Variants in VTI1A observed in about 807,000 individuals in gnomAD.
VTI1A encodes vesicle transport through interaction with t-SNAREs homolog 1A.
Under a neutral mutation model 34.9 loss-of-function variants are expected in VTI1A, and 22 were observed. The observed-to-expected ratio is 0.63, with a 90% CI of 0.45 to 0.90. VTI1A has a LOEUF of 0.90. VTI1A is among the 40% of genes least tolerant of loss of function. The pLI is 0.00. For synonymous variants in VTI1A, 87 were observed against 97.3 expected, an observed-to-expected ratio of 0.89 and a Z score of 0.62; for missense variants, 268 against 275.6, an observed-to-expected ratio of 0.97 and a Z score of 0.20.
chr10:112,825,668 G>A, the VTI1A span: 1 of 152,250 alleles, frequency 6.6e-6, no homozygotes, highest in Non-Finnish European at 1.5e-5. Context: ...AGTCACCAGG[G>A]TGCCTGTGGG....
At chr10:112,698,147 A>G (rs897181434) in intron 7 of VTI1A, among the ~76,000 whole-genome samples, 7 of 152,210 alleles carry the variant, frequency 4.6e-5, no homozygotes, top group Non-Finnish European at 1.0e-4. Flanking sequence ...TGCTATCAAT[A>G]AGAACTCTAG....
intron 3 of VTI1A, among the ~76,000 whole-genome samples, chr10:112,472,271 G>A (rs1848116351): frequency 6.6e-6 from 1 of 152,176 alleles, no homozygotes; most frequent in African/African-American, 2.4e-5. Flanking sequence ...CAGGCTATGT[G>A]ATGTGATTGT....
chr10:112,537,425 G>T (rs904720651), intron 4 of VTI1A, among the ~76,000 whole-genome samples: 3 of 145,780 alleles, frequency 2.1e-5, no homozygotes, highest in African/African-American at 7.6e-5. Context: ...GATCATTATG[G>T]TTACAAAAAA....
chr10:112,578,967 G>A (rs531536337), intron 5 of VTI1A, among the ~76,000 whole-genome samples: 2 of 152,220 alleles, frequency 1.3e-5, no homozygotes, highest in Non-Finnish European at 2.9e-5. Flanking sequence ...CAGCAGAAAA[G>A]TGTAAGTTTC....
intron 7 of VTI1A, among the ~76,000 whole-genome samples, chr10:112,686,186 A>G (rs1024813971): frequency 2.6e-5 from 4 of 152,222 alleles, no homozygotes; most frequent in African/African-American, 7.2e-5. Context: ...GTTACAAACC[A>G]TGCACTTTCT....
chr10:112,607,068 C>A (rs1027573233), intron 5 of VTI1A, among the ~76,000 whole-genome samples: 2 of 152,034 alleles, frequency 1.3e-5, no homozygotes, highest in South Asian at 2.1e-4. Flanking sequence ...GGGTGGATGA[C>A]CTGAGGTCAG....
intron 3 of VTI1A, among the ~76,000 whole-genome samples, chr10:112,485,823 T>G (rs928892476): frequency 1.3e-5 from 2 of 152,248 alleles, no homozygotes; most frequent in African/African-American, 4.8e-5. Flanking sequence ...CTGTTACCAT[T>G]ACTGTTTCAT....
chr10:112,841,735 G>T, the VTI1A span, among the ~76,000 whole-genome samples: 1 of 152,232 alleles, frequency 6.6e-6, no homozygotes, highest in East Asian at 1.9e-4. Flanking sequence ...ACTCTATGGT[G>T]GGGGCAGTGG....
chr10:112,469,521 A>T (rs1481158702), intron 3 of VTI1A, among the ~76,000 whole-genome samples: 1 of 152,230 alleles, frequency 6.6e-6, no homozygotes, highest in African/African-American at 2.4e-5. Context: ...AGACAGTTAG[A>T]TAATTTACTG....
At chr10:112,657,977 AGGATCAT>A (rs1439873461) in intron 5 of VTI1A, among the ~76,000 whole-genome samples, 1 of 152,204 alleles carries the variant, frequency 6.6e-6, no homozygotes, top group African/African-American at 2.4e-5. Context: ...TGGGAGACTT[AGGATCAT>A]GGTTGCAGCT....
intron 3 of VTI1A, among the ~76,000 whole-genome samples, chr10:112,496,152 A>G: frequency 7.1e-6 from 1 of 141,010 alleles, no homozygotes; most frequent in Admixed American, 7.1e-5. Context: ...CACTTGAGCC[A>G]AGAATTCAAG....
In VTI1A at chr10:112,647,716, A is replaced by G. The variant is rs542624211; in HGVS notation, c.428-20502A>G. ...AGTATAGAAAGGATTCCACATAGAA[A>G]TTTTTTGTAAAATAATTATACTTTG... On this transcript the variant is annotated intron_variant, in intron 5 of 7. Coordinates refer to ENST00000393077, the MANE Select transcript of VTI1A (RefSeq NM_145206.4). Among the ~76,000 whole-genome samples, 35 of 152,202 alleles carry G rather than the reference A, an allele frequency of 2.3e-4. No individual in the cohort carries two copies. In the South Asian group the frequency reaches 7.1e-3, roughly 31 times the overall value.
chr10:112,688,038 C>T (rs1047797635), intron 7 of VTI1A, among the ~76,000 whole-genome samples: 25 of 149,370 alleles, frequency 1.7e-4, no homozygotes, highest in Non-Finnish European at 1.6e-4. Flanking sequence ...ACTGCAACCT[C>T]TGCCTCTCAG....
chr10:112,605,467 TAGC>T (rs781736201), intron 5 of VTI1A, among the ~76,000 whole-genome samples: 1 of 152,174 alleles, frequency 6.6e-6, no homozygotes, highest in Non-Finnish European at 1.5e-5. Context: ...ACTACAACCT[TAGC>T]TGCTTCTGAG....
upstream of VTI1A, chr10:112,447,103 G>C (rs988072946): frequency 6.3e-6 from 3 of 479,654 alleles, no homozygotes; most frequent in South Asian, 2.6e-5. Flanking sequence ...ACGCTTTTCT[G>C]GGGGGAGGCA....
At chr10:112,527,820 G>A (rs1354593728) in intron 4 of VTI1A, among the ~76,000 whole-genome samples, 1 of 151,982 alleles carries the variant, frequency 6.6e-6, no homozygotes, top group Non-Finnish European at 1.5e-5. Flanking sequence ...TTTACAACTT[G>A]GCTGTCGGTT....
At chr10:112,581,324 C>G (rs1298096988) in intron 5 of VTI1A, among the ~76,000 whole-genome samples, 1 of 152,176 alleles carries the variant, frequency 6.6e-6, no homozygotes, top group African/African-American at 2.4e-5. Flanking sequence ...GTTACTTGCC[C>G]CAGGTTAGTG....
intron 7 of VTI1A, among the ~76,000 whole-genome samples, chr10:112,721,315 A>G (rs1849800352): frequency 6.6e-6 from 1 of 152,230 alleles, no homozygotes; most frequent in Non-Finnish European, 1.5e-5. Context: ...GCCATAGTTA[A>G]CAGTTATTTA....
chr10:112,512,502 T>G (rs906014984), intron 3 of VTI1A, among the ~76,000 whole-genome samples: 2 of 152,214 alleles, frequency 1.3e-5, no homozygotes, highest in Non-Finnish European at 2.9e-5. Context: ...AGGTTTTCTC[T>G]TCACTCTGTT....
Sources: allele counts gnomAD v4.1 joint callset (sites outside exome capture counted in the v4.1 genomes callset), GRCh38; gene constraint gnomAD v4.1.1; transcripts MANE v1.5; gene names NCBI Gene and HGNC (gene_info 2026-07-23, HGNC 2026-07-21).